FAT2: variants seen among roughly 807,000 people sequenced by gnomAD.
The protein encoded by FAT2 is FAT atypical cadherin 2, also known as protocadherin Fat 2.
In FAT2, 150 loss-of-function variants were observed where a neutral mutation model predicts 295.3. The ratio of observed to expected loss-of-function variants is 0.51; its 90% CI spans 0.44 to 0.58. The LOEUF is 0.58. Among genes scored for constraint, FAT2 ranks in the 20% least tolerant of loss-of-function variants. The pLI is 0.00. For synonymous variants in FAT2, 2,026 were observed against 2,150.3 expected (o/e 0.94, Z 1.60); for missense variants, 4,868 against 5,442.7 (o/e 0.89, Z 3.32).
chr5:151,530,093 A>T (rs1047821427), intron 14 of FAT2, among the ~76,000 whole-genome samples: 7 of 152,222 alleles, frequency 4.6e-5, no homozygotes, highest in African/African-American at 1.7e-4. Context: ...GAAAAGGTAT[A>T]TCTATCTAGG....
At position 151,566,170 on chromosome 5, in the gene FAT2, T is replaced by C. The variant is rs765546037; in HGVS notation, c.2762A>G (p.Asn921Ser). The C allele has an allele frequency of 2.5e-6, 4 of 1,613,554 alleles. No individual in the cohort carries two copies. Among genetic ancestry groups the C allele is most frequent in the East Asian group, 2.2e-5 (1 of 44,864 alleles). ...GTGTTCTGTGATGCACTGGGGAGAG[T>C]TGTCGTTGACATCCTCCAATGTGAT... ...LIITLEDVND[N>S]SPQCITEHNR... Residue 921 changes from asparagine to serine, a missense_variant, in exon 2 of 24, where the codon AAC (asparagine) becomes AGC (serine). Transcript: ENST00000261800.
chr5:151,583,468 A>G (rs1195537067), intron 1 of FAT2, among the ~76,000 whole-genome samples: 1 of 152,236 alleles, frequency 6.6e-6, no homozygotes, highest in Non-Finnish European at 1.5e-5. Context: ...GTGGTAGTCC[A>G]TGTTTATAAA....
At position 151,589,423 on chromosome 5, in the gene FAT2, G is replaced by A. The variant is rs1759312565; in HGVS notation, c.-21+1742C>T. 2.0e-5 allele frequency among the ~76,000 whole-genome samples: 3 copies of A among 152,236 alleles called. No homozygotes were observed. The South Asian group carries it at 6.2e-4, about 32-fold the overall frequency. ...ATGCAGGAAGCTGAGCATCAGGCTA[G>A]CTGACATCATGGATTCAGTATCTTC... On this transcript the variant is annotated intron_variant, in intron 1 of 23. Transcript: ENST00000261800.
At position 151,566,855 on chromosome 5, in the gene FAT2, C is replaced by T. The variant is rs755430053; in HGVS notation, c.2077G>A (p.Glu693Lys). 16 of 1,614,176 alleles carry T rather than the reference C, an allele frequency of 9.9e-6. No individual in the cohort carries two copies. The East Asian group carries it at 1.6e-4, about 16-fold the overall frequency. Reference sequence around the variant, plus strand: ...GAAGTGAATTCCTCATCACTGGACTCCTGGTTCTGAAGCCCAATAAAGTGG... The same window carrying T: ...GAAGTGAATTCCTCATCACTGGACTTCTGGTTCTGAAGCCCAATAAAGTGG... ...ILHFIGLQNQ[E>K]SSDEEFTSLS... Residue 693 changes from glutamate (E) to lysine (K), a missense_variant, in exon 2 of 24, where the codon GAG becomes AAG. Physicochemically the swap from Glu to Lys is moderately conservative, Grantham distance 56. Around this residue, in one of 5 missense-constraint regions of FAT2, gnomAD observed 3,297 missense variants for 3,669.4 expected, o/e 0.90. Transcript: ENST00000261800.
At position 151,568,120 on chromosome 5, in the gene FAT2, G is replaced by C; in HGVS notation, c.812C>G (p.Thr271Ser). 1 of 1,614,200 alleles carries C rather than the reference G, an allele frequency of 6.2e-7. No homozygotes were observed. Among genetic ancestry groups the C allele is most frequent in the Non-Finnish European group, 8.5e-7 (1 of 1,180,038 alleles). Residue 271 changes from threonine to serine, a missense_variant, in exon 2 of 24, where the codon ACC (threonine) becomes AGC (serine). By Grantham distance (58) the Thr-to-Ser change is moderately conservative. Transcript: ENST00000261800. Reference protein sequence around the residue: ...VTPPDSNDGTTYATVLVDANS... With the variant: ...VTPPDSNDGTSYATVLVDANS... ...TGCATCGACCAGTACAGTGGCATAGGTGGTACCATCATTGCTGTCTGGTGG... is the reference window on the plus strand; with the variant it reads ...TGCATCGACCAGTACAGTGGCATAGCTGGTACCATCATTGCTGTCTGGTGG...
rs1399619351 is a variant in FAT2, at chr5:151,545,242, A to C, written c.5885T>G (p.Leu1962Arg). The C allele has an allele frequency of 2.5e-6, 4 of 1,614,170 alleles. No homozygotes were observed. The highest frequency in any genetic ancestry group is 3.4e-6 in the Non-Finnish European group (4 of 1,180,032). ...CTGATCAAACTGCAAGCTTTTGTCA[A>C]GCACTTGGGTCAAAGAAATTTTTAC... ...ALVKISLTQV[L>R]DKSLQFDQDV... The change falls in exon 10 of 24, where the codon CTT (leucine) becomes CGT (arginine). Residue 1962 changes from leucine (L) to arginine (R), a missense_variant. By Grantham distance (102) the Leu-to-Arg change is moderately radical (BLOSUM62 -2). Transcript: ENST00000261800.
intron 20 of FAT2, among the ~76,000 whole-genome samples, chr5:151,517,302 G>A (rs184053021): frequency 6.6e-6 from 1 of 152,146 alleles, no homozygotes; most frequent in African/African-American, 2.4e-5. Context: ...CCCATCCCTG[G>A]GAAACACTGG....
At chr5:151,578,020 C>CA (rs546727587) in intron 1 of FAT2, among the ~76,000 whole-genome samples, 1,030 of 97,790 alleles carry the variant, frequency 0.011, 12 homozygotes, top group African/African-American at 0.027. Flanking sequence ...AAGGGAAAGG[C>CA]AAAAAAAAAA....
rs748541868 is a variant in FAT2 at position 151,542,422 on chromosome 5, T to C, written c.8705A>G (p.Asn2902Ser). 8.7e-6 allele frequency: 14 copies of C among 1,614,126 alleles called. No homozygotes were observed. Among genetic ancestry groups the C allele is most frequent in the South Asian group, 4.4e-5 (4 of 91,078 alleles). ...CTCTTCAGAAGCAAATCGGGGAGCATTGTCATTCTCATCTGTAATGGAGAC... is the reference window on the plus strand; with the variant it reads ...CTCTTCAGAAGCAAATCGGGGAGCACTGTCATTCTCATCTGTAATGGAGAC... Reference protein sequence around the residue: ...VQVSITDENDNAPRFASEEYR... With the variant: ...VQVSITDENDSAPRFASEEYR... The change falls in exon 10 of 24, where the codon AAT (asparagine) becomes AGT (serine). Residue 2902 changes from asparagine (N) to serine (S), a missense_variant. Around this residue, in one of 5 missense-constraint regions of FAT2, gnomAD observed 3,297 missense variants for 3,669.4 expected, o/e 0.90. Coordinates refer to ENST00000261800, the MANE Select transcript of FAT2 (RefSeq NM_001447.3).
chr5:151,543,046 G>T lies in FAT2; in HGVS notation c.8081C>A (p.Pro2694His). 1 of 1,614,150 alleles carries T rather than the reference G, an allele frequency of 6.2e-7. No homozygotes were observed. The highest frequency in any genetic ancestry group is 1.1e-5 in the South Asian group (1 of 91,082). The change falls in exon 10 of 24, where the codon CCT becomes CAT. Residue 2694 changes from proline to histidine, a missense_variant. Physicochemically the swap from Pro to His is moderately conservative, Grantham distance 77. This residue lies in a region of FAT2 where 3,297 missense variants were observed against 3,669.4 expected (regional missense o/e 0.90). Coordinates refer to ENST00000261800, the MANE Select transcript of FAT2 (RefSeq NM_001447.3). ...KKVSLPKFSE[P>H]LYTFSAPEDL... is the part of the protein sequence containing the mutation. ...TTCAGGTGCAGAGAAAGTATACAAA[G>T]GTTCAGAAAATTTCGGTAAGGATAC...
intron 13 of FAT2, among the ~76,000 whole-genome samples, chr5:151,533,159 A>G (rs1754839165): frequency 6.6e-6 from 1 of 152,088 alleles, no homozygotes. Flanking sequence ...CCCACTTGAT[A>G]ATGGCCTGAG....
rs181781169 is a variant in FAT2 at position 151,521,401 on chromosome 5, G to T, written c.11192C>A (p.Thr3731Asn). ...AMPMVPCQGP[T>N]CQGQICHNTV... is the part of the protein sequence containing the mutation. The stretch of plus-strand genomic sequence containing the variant: ...GTTATGGCAGATTTGACCCTGGCAG[G>T]TTGGCCCCTGGCAGGGCACCATGGG... Residue 3731 changes from threonine to asparagine, a missense_variant, in exon 19 of 24, where the codon ACC (threonine) becomes AAC (asparagine). By Grantham distance (65) the Thr-to-Asn change is moderately conservative. Transcript: ENST00000261800. The T allele has an allele frequency of 1.2e-5, 19 of 1,614,216 alleles. No individual in the cohort carries two copies. The East Asian group carries it at 3.8e-4, about 32-fold the overall frequency.
intron 9 of FAT2, among the ~76,000 whole-genome samples, chr5:151,549,041 T>C (rs1013192348): frequency 6.6e-6 from 1 of 152,232 alleles, no homozygotes; most frequent in Non-Finnish European, 1.5e-5. Flanking sequence ...GTTTGGTCAC[T>C]GGTGGGTTTA....
upstream of FAT2, among the ~76,000 whole-genome samples, chr5:151,593,845 C>T (rs1219291363): frequency 6.6e-6 from 1 of 151,940 alleles, no homozygotes; most frequent in Non-Finnish European, 1.5e-5. Context: ...CTACTAAAAG[C>T]ATAGAAAATT....
At chr5:151,561,442 G>C (rs1423216517) in intron 3 of FAT2, among the ~76,000 whole-genome samples, 2 of 152,050 alleles carry the variant, frequency 1.3e-5, no homozygotes, top group East Asian at 3.9e-4. Context: ...CCAGGCTGGA[G>C]ACCAGTGATG....
intron 21 of FAT2, chr5:151,511,906 C>T (rs932708436): frequency 7.7e-6 from 4 of 519,362 alleles, no homozygotes; most frequent in Non-Finnish European, 1.0e-5. Context: ...ATTAATTCAA[C>T]CCTCTGCCCC....
upstream of FAT2, among the ~76,000 whole-genome samples, chr5:151,592,900 C>T (rs964890429): frequency 9.2e-5 from 14 of 152,296 alleles, no homozygotes; most frequent in Admixed American, 9.2e-4. Flanking sequence ...TGTTTCCTGG[C>T]TCTCAGTGAG....
In FAT2 at chr5:151,544,192, A is replaced by G. The variant is rs779258053; in HGVS notation, c.6935T>C (p.Val2312Ala). ...CTTGGAAACATCTGAGCCATCCTCC[A>G]CAATCTGATAAGAGACGTCACGGTT... ...GRNRDVSYQI[V>A]EDGSDVSKFF... The change falls in exon 10 of 24, where the codon GTG becomes GCG. Residue 2312 changes from valine (V) to alanine (A), a missense_variant. Physicochemically the swap from Val to Ala is moderately conservative, Grantham distance 64. Transcript: ENST00000261800. 1.3e-5 allele frequency: 21 copies of G among 1,614,244 alleles called. No individual in the cohort carries two copies. The highest frequency in any genetic ancestry group is 1.8e-5 in the Non-Finnish European group (21 of 1,180,044).
intron 3 of FAT2, among the ~76,000 whole-genome samples, chr5:151,562,381 T>TC (rs1758055381): frequency 6.6e-6 from 1 of 152,020 alleles, no homozygotes; most frequent in Non-Finnish European, 1.5e-5. Flanking sequence ...TTGTTGTTCC[T>TC]CCCCCAAGAG....
Sources: allele counts gnomAD v4.1 joint callset (sites outside exome capture counted in the v4.1 genomes callset), GRCh38; gene constraint gnomAD v4.1.1; regional missense constraint gnomAD v4.1.1; transcripts MANE v1.5; gene names NCBI Gene and HGNC (gene_info 2026-07-23, HGNC 2026-07-21).